Variants in EPHB1 observed in about 807,000 individuals in gnomAD.
EPHB1 encodes the protein EPH receptor B1.
Under a neutral mutation model 94.4 loss-of-function variants are expected in EPHB1, and 30 were observed. That is an observed-to-expected ratio of 0.32 (90% CI 0.24 to 0.43). The LOEUF (loss-of-function observed/expected upper bound fraction) is 0.43. Among genes scored for constraint, EPHB1 ranks in the 20% least tolerant of loss-of-function variants. EPHB1 has a pLI of 1.00. For synonymous variants in EPHB1, 522 were observed against 489.1 expected, an observed-to-expected ratio of 1.07 and a Z score of -0.89; for missense variants, 1,055 against 1,308.3, an observed-to-expected ratio of 0.81 and a Z score of 2.99.
At chr3:134,810,165 A>G (rs1372519303) in intron 1 of EPHB1, among the ~76,000 whole-genome samples, 1 of 152,212 alleles carries the variant, frequency 6.6e-6, no homozygotes, top group Non-Finnish European at 1.5e-5. Context: ...CCAGAGCACA[A>G]GAGTAACTGC....
At chr3:135,199,204 G>C (rs965552605) in intron 11 of EPHB1, among the ~76,000 whole-genome samples, 1 of 152,176 alleles carries the variant, frequency 6.6e-6, no homozygotes, top group Non-Finnish European at 1.5e-5. Flanking sequence ...TACTTACAGA[G>C]AGGAAATAAT....
rs766998770 is a variant in EPHB1, at chr3:134,831,348, AC to A, written c.58+35660del. Among the ~76,000 whole-genome samples the A allele has an allele frequency of 6.6e-5, 10 of 152,296 alleles. No individual in the cohort carries two copies. In the East Asian group the frequency reaches 1.2e-3, roughly 18 times the overall value. ...AGGACTCTGATCCCACGATTCTAGAACAGCTGCCCAATCCCACAGCTGGGCA... is the reference window on the plus strand; with the variant it reads ...AGGACTCTGATCCCACGATTCTAGAAAGCTGCCCAATCCCACAGCTGGGCA... On this transcript the variant is annotated intron_variant, in intron 1 of 15. Coordinates refer to ENST00000398015, the MANE Select transcript of EPHB1 (RefSeq NM_004441.5).
At chr3:135,085,268 C>G (rs181823481) in intron 3 of EPHB1, among the ~76,000 whole-genome samples, 109 of 152,354 alleles carry the variant, frequency 7.2e-4, no homozygotes, top group African/African-American at 2.4e-3. Flanking sequence ...TAAAGGGAAG[C>G]TAAGCGTGTC....
At chr3:134,855,466 A>G (rs1049525940) in intron 1 of EPHB1, among the ~76,000 whole-genome samples, 2 of 152,150 alleles carry the variant, frequency 1.3e-5, no homozygotes, top group Non-Finnish European at 2.9e-5. Flanking sequence ...CAACTGCTGG[A>G]CCTGTAGACA....
rs971144467 is a variant in EPHB1 at position 134,967,916 on chromosome 3, A to G, written c.805+15864A>G. On this transcript the variant is annotated intron_variant, in intron 3 of 15. Transcript: ENST00000398015. ...CAAAGTGGACTTTTCAGGAGTCCAC[A>G]CTCAGTGGACCTGTCTCTAACACAC... 2.6e-5 allele frequency among the ~76,000 whole-genome samples: 4 copies of G among 152,190 alleles called. No homozygotes were observed. In the South Asian group the frequency reaches 6.2e-4, roughly 24 times the overall value.
intron 3 of EPHB1, among the ~76,000 whole-genome samples, chr3:134,972,367 A>G (rs1934004739): frequency 9.0e-6 from 1 of 111,488 alleles, no homozygotes; most frequent in East Asian, 2.1e-4. Context: ...ACGTGTTTAT[A>G]TATAAAATAT....
At position 135,106,552 on chromosome 3, in the gene EPHB1, C is replaced by A. The variant is rs757739384; in HGVS notation, c.910C>A (p.Arg304=). The A allele has an allele frequency of 2.5e-6, 4 of 1,614,054 alleles. No homozygotes were observed. The East Asian group carries it at 8.9e-5, about 36-fold the overall frequency. The change falls in exon 4 of 16, where the codon CGG becomes AGG. Residue 304 remains arginine, a synonymous_variant. Transcript: ENST00000398015. ...PAEASPICTC[R]TGYYRADFDP... is the part of the protein sequence containing the mutation. ...AGAGGCGTCTCCCATCTGCACCTGT[C>A]GGACCGGTTATTACCGAGCGGACTT...
chr3:135,110,446 G>A (rs1472675812), intron 4 of EPHB1, among the ~76,000 whole-genome samples: 3 of 152,202 alleles, frequency 2.0e-5, no homozygotes, highest in Non-Finnish European at 4.4e-5. Context: ...CCACTGAGAG[G>A]CAGGGAAGCT....
intron 12 of EPHB1, among the ~76,000 whole-genome samples, chr3:135,236,614 C>T (rs1009777891): frequency 1.2e-4 from 19 of 152,172 alleles, no homozygotes; most frequent in Admixed American, 1.0e-3. Flanking sequence ...GAATAGCAGG[C>T]ATTACGAAAT....
chr3:135,066,834 G>C (rs903249962), intron 3 of EPHB1, among the ~76,000 whole-genome samples: 1 of 152,130 alleles, frequency 6.6e-6, no homozygotes, highest in African/African-American at 2.4e-5. Context: ...TCTGTCAGAG[G>C]GAAAGGGCTG....
chr3:134,940,385 C>T (rs1030053630), intron 2 of EPHB1, among the ~76,000 whole-genome samples: 4 of 152,160 alleles, frequency 2.6e-5, no homozygotes, highest in South Asian at 2.1e-4. Flanking sequence ...TAGTATTTTG[C>T]GAGTGAGGAA....
intron 1 of EPHB1, among the ~76,000 whole-genome samples, chr3:134,875,759 T>G (rs2037604340): frequency 6.6e-6 from 1 of 152,184 alleles, no homozygotes. Flanking sequence ...AGTACTTATT[T>G]TCCTTCCAAG....
chr3:134,990,180 A>G (rs1418617496), intron 3 of EPHB1, among the ~76,000 whole-genome samples: 1 of 152,204 alleles, frequency 6.6e-6, no homozygotes, highest in Non-Finnish European at 1.5e-5. Context: ...TAGTACATTC[A>G]GGAGAACCTC....
intron 1 of EPHB1, among the ~76,000 whole-genome samples, chr3:134,855,082 A>T (rs541652059): frequency 1.3e-5 from 2 of 152,342 alleles, no homozygotes; most frequent in African/African-American, 4.8e-5. Flanking sequence ...TGACCTTATT[A>T]TCCGTGGTGT....
intron 3 of EPHB1, among the ~76,000 whole-genome samples, chr3:135,042,454 A>G (rs1936881669): frequency 6.6e-6 from 1 of 152,264 alleles, no homozygotes; most frequent in South Asian, 2.1e-4. Flanking sequence ...ATGACCCACA[A>G]AATATTTAGG....
intron 1 of EPHB1, among the ~76,000 whole-genome samples, chr3:134,840,198 T>C (rs1406221351): frequency 6.6e-6 from 1 of 152,198 alleles, no homozygotes; most frequent in Non-Finnish European, 1.5e-5. Context: ...TTCCCCATAG[T>C]GCCTGGCCCA....
chr3:135,129,036 AT>A (rs1247626719), intron 4 of EPHB1, among the ~76,000 whole-genome samples: 1 of 152,156 alleles, frequency 6.6e-6, no homozygotes, highest in Non-Finnish European at 1.5e-5. Flanking sequence ...AGGGATTCAG[AT>A]TTATGTACTC....
chr3:135,129,160 G>A (rs769946950), intron 4 of EPHB1, among the ~76,000 whole-genome samples: 7 of 140,620 alleles, frequency 5.0e-5, no homozygotes, highest in Admixed American at 7.3e-5. Context: ...ATATGAAGAC[G>A]TTTATTAAAA....
At chr3:134,894,916 A>C (rs1220456476) in intron 1 of EPHB1, among the ~76,000 whole-genome samples, 1 of 152,160 alleles carries the variant, frequency 6.6e-6, no homozygotes, top group African/African-American at 2.4e-5. Context: ...CTGGGAATGA[A>C]GTACTGTGGC....
Sources: gnomAD v4.1 joint callset for allele counts (sites outside exome capture counted in the v4.1 genomes callset) on GRCh38, gnomAD v4.1.1 for gene constraint, MANE v1.5 for transcripts, NCBI Gene and HGNC (gene_info 2026-07-23, HGNC 2026-07-21) for gene names.